PTPRD: variants seen among roughly 807,000 people sequenced by gnomAD.
PTPRD encodes protein tyrosine phosphatase receptor type D.
In PTPRD, 34 loss-of-function variants were observed where a neutral mutation model predicts 214.5. That is an observed-to-expected ratio of 0.16 (90% CI 0.12 to 0.21). The LOEUF (loss-of-function observed/expected upper bound fraction) is 0.21. Ranked by LOEUF, PTPRD falls within the 10% of genes least tolerant of loss-of-function variation. The pLI is 1.00. For synonymous variants in PTPRD, 1,128 were observed against 845.7 expected (o/e 1.33, Z -5.79); for missense variants, 2,545 against 2,398.7 (o/e 1.06, Z -1.27).
At chr9:9,986,161 G>A (rs1477013104) in intron 4 of PTPRD, among the ~76,000 whole-genome samples, 1 of 152,094 alleles carries the variant, frequency 6.6e-6, no homozygotes, top group African/African-American at 2.4e-5. Flanking sequence ...ACACTGCTGA[G>A]ATATAAAAAT....
intron 8 of PTPRD, among the ~76,000 whole-genome samples, chr9:9,442,741 A>C (rs10977751): frequency 0.14 from 21,117 of 152,196 alleles, 1,568 homozygotes; most frequent in Middle Eastern, 0.29. Context: ...GCCATTGATC[A>C]AAAAACCAGA....
intron 3 of PTPRD, among the ~76,000 whole-genome samples, chr9:10,162,789 C>T (rs986699211): frequency 6.7e-6 from 1 of 148,208 alleles, no homozygotes; most frequent in Non-Finnish European, 1.5e-5. Context: ...GCCTTGATCA[C>T]CCCTCAATAT....
chr9:10,285,835 T>C (rs903426030), intron 3 of PTPRD, among the ~76,000 whole-genome samples: 1 of 151,914 alleles, frequency 6.6e-6, no homozygotes, highest in Non-Finnish European at 1.5e-5. Flanking sequence ...GGTTTCGATC[T>C]CCTGACCTCG....
chr9:9,990,845 G>A (rs1361009656), intron 4 of PTPRD, among the ~76,000 whole-genome samples: 1 of 152,100 alleles, frequency 6.6e-6, no homozygotes, highest in Non-Finnish European at 1.5e-5. Flanking sequence ...TCCACTCTAT[G>A]AGGGTCCTCA....
chr9:8,377,964 G>A (rs2083765332), intron 37 of PTPRD, among the ~76,000 whole-genome samples: 1 of 152,026 alleles, frequency 6.6e-6, no homozygotes, highest in South Asian at 2.1e-4. Flanking sequence ...AAAGGGAGAA[G>A]TTTTATCCTG....
At chr9:9,942,705 A>G (rs923555982) in intron 4 of PTPRD, among the ~76,000 whole-genome samples, 6 of 152,158 alleles carry the variant, frequency 3.9e-5, no homozygotes, top group African/African-American at 1.4e-4. Context: ...TTAGCATTTA[A>G]AAAATTATAA....
intron 3 of PTPRD, among the ~76,000 whole-genome samples, chr9:10,247,428 C>T (rs1212693758): frequency 6.6e-6 from 1 of 152,132 alleles, no homozygotes; most frequent in African/African-American, 2.4e-5. Context: ...AAGTTAGAGA[C>T]AAAATGTAGT....
At chr9:8,331,204 G>A (rs1840429871) in intron 44 of PTPRD, among the ~76,000 whole-genome samples, 1 of 148,674 alleles carries the variant, frequency 6.7e-6, no homozygotes, top group South Asian at 2.1e-4. Flanking sequence ...AGCTATTCAT[G>A]AGGTTTTCAC....
intron 2 of PTPRD, among the ~76,000 whole-genome samples, chr9:10,424,313 T>TTCTC (rs35994999): frequency 0.01 from 1,490 of 145,568 alleles, 23 homozygotes; most frequent in African/African-American, 0.028. Context: ...TGGTTTCCTT[T>TTCTC]TCTCTCTCTC....
At chr9:10,210,524 G>T (rs142423056) in intron 3 of PTPRD, among the ~76,000 whole-genome samples, 1 of 151,348 alleles carries the variant, frequency 6.6e-6, no homozygotes, top group African/African-American at 2.4e-5. Context: ...AAGGAGGGGG[G>T]GCTTCTTGCA....
intron 14 of PTPRD, among the ~76,000 whole-genome samples, chr9:8,568,354 G>C (rs2090057826): frequency 6.6e-6 from 1 of 151,990 alleles, no homozygotes; most frequent in Non-Finnish European, 1.5e-5. Context: ...GTGATTTCAA[G>C]GCAATGTGAC....
intron 7 of PTPRD, among the ~76,000 whole-genome samples, chr9:9,656,464 T>G (rs140682169): frequency 1.3e-5 from 2 of 152,108 alleles, no homozygotes; most frequent in Admixed American, 1.3e-4. Context: ...GAAAGAAATG[T>G]AGGAAAATTA....
At chr9:9,832,360 T>C (rs977225347) in intron 5 of PTPRD, among the ~76,000 whole-genome samples, 1 of 151,996 alleles carries the variant, frequency 6.6e-6, no homozygotes, top group Non-Finnish European at 1.5e-5. Flanking sequence ...GATATGTAAC[T>C]GTGTATTTTT....
chr9:9,819,973 T>C (rs2761757), intron 5 of PTPRD, among the ~76,000 whole-genome samples: 1 of 152,004 alleles, frequency 6.6e-6, no homozygotes, highest in Non-Finnish European at 1.5e-5. Context: ...CGTGTCTTTT[T>C]GGTAGAACAG....
intron 7 of PTPRD, among the ~76,000 whole-genome samples, chr9:9,610,754 A>G (rs909711518): frequency 2.0e-5 from 3 of 152,132 alleles, no homozygotes; most frequent in African/African-American, 4.8e-5. Flanking sequence ...CATAAAAGTA[A>G]TTCATTCTCA....
intron 10 of PTPRD, among the ~76,000 whole-genome samples, chr9:9,145,685 C>T (rs934288732): frequency 1.3e-5 from 2 of 152,106 alleles, no homozygotes; most frequent in Non-Finnish European, 2.9e-5. Flanking sequence ...AGCTGGGCTA[C>T]ATGGAGTGAG....
In PTPRD at chr9:9,681,378, A is replaced by G. The variant is rs150046823; in HGVS notation, c.-287+53155T>C. On this transcript the variant is annotated intron_variant, in intron 7 of 45. Coordinates refer to ENST00000381196, the MANE Select transcript of PTPRD (RefSeq NM_002839.4). ...ATCTGAATGGATATCATTCTCCCTT[A>G]TTTTTCCTCTTTCATTATCTCCTCT... is the stretch of plus-strand genomic sequence containing the variant. Among the ~76,000 whole-genome samples, 1,067 of 151,544 alleles carry G rather than the reference A, an allele frequency of 7.0e-3. 4 individuals carry two copies. Among genetic ancestry groups the G allele is most frequent in the Non-Finnish European group, 0.012 (796 of 67,774 alleles).
At chr9:9,288,640 T>C (rs1312023278) in intron 9 of PTPRD, among the ~76,000 whole-genome samples, 1 of 151,918 alleles carries the variant, frequency 6.6e-6, no homozygotes, top group Non-Finnish European at 1.5e-5. Context: ...AACAGTAAGA[T>C]GTTATATGCT....
In PTPRD at chr9:9,275,147, AATATAT is replaced by A. The variant is rs1569566742; in HGVS notation, c.-202-91790_-202-91785del. Among the ~76,000 whole-genome samples the A allele has an allele frequency of 2.3e-4, 12 of 53,076 alleles. 1 individual carries two copies. The highest frequency in any genetic ancestry group is 1.1e-3 in the African/African-American group (12 of 10,908). The allele number at this position is 53,076 out of a possible 152,430, so 34.8% of individuals were successfully genotyped here. On this transcript the variant is annotated intron_variant, in intron 9 of 45. Transcript: ENST00000381196. The stretch of plus-strand genomic sequence containing the variant: ...TATATATTATATATAATATATATAT[AATATAT>A]TATATATATAACATATATATAATAT...
Sources: allele counts gnomAD v4.1 joint callset (sites outside exome capture counted in the v4.1 genomes callset), GRCh38; gene constraint gnomAD v4.1.1; transcripts MANE v1.5; gene names NCBI Gene and HGNC (gene_info 2026-07-23, HGNC 2026-07-21).